ZMYND11: variants seen among roughly 807,000 people sequenced by gnomAD.
ZMYND11 encodes zinc finger MYND domain-containing protein 11.
A neutral mutation model predicts 84.9 loss-of-function variants in ZMYND11; 9 were observed. The ratio of observed to expected loss-of-function variants is 0.11; its 90% confidence interval spans 0.06 to 0.18. ZMYND11 has a LOEUF of 0.18. ZMYND11 is among the 10% of genes least tolerant of loss of function. ZMYND11 has a pLI of 1.00. For missense variants in ZMYND11, 409 were observed against 761.0 expected (o/e 0.54, Z 5.44); for synonymous variants, 250 against 244.1 (o/e 1.02, Z -0.23).
intron 1 of ZMYND11, among the ~76,000 whole-genome samples, chr10:169,218 G>C (rs1036474283): frequency 4.6e-5 from 7 of 152,178 alleles, no homozygotes; most frequent in Middle Eastern, 3.4e-3. Flanking sequence ...TCCCACATAA[G>C]GGGGGAAACT....
At chr10:135,051 AGGGGCCGGT>A (rs1225974930), upstream of ZMYND11, 1 of 148,332 alleles carries the variant, frequency 6.7e-6, no homozygotes, top group South Asian at 2.1e-4. This position sits in a 1 kb window ranked among gnomAD's most constrained non-coding sequence, Gnocchi z 5.6. Flanking sequence ...GGGCGGGCCG[AGGGGCCGGT>A]GGGGCCGAGC....
chr10:244,805 C>T (rs1277179993), intron 10 of ZMYND11, among the ~76,000 whole-genome samples: 1 of 152,144 alleles, frequency 6.6e-6, no homozygotes, highest in Non-Finnish European at 1.5e-5. Flanking sequence ...AATCAGATTT[C>T]AGTTTAAAAA....
At chr10:138,789 ATAGT>A (rs1554753128) in intron 1 of ZMYND11, among the ~76,000 whole-genome samples, 1 of 151,254 alleles carries the variant, frequency 6.6e-6, no homozygotes, top group African/African-American at 2.4e-5. Context: ...TAGCCTTATG[ATAGT>A]TAAAACTTTT....
At chr10:185,808 C>A (rs1476661950) in intron 2 of ZMYND11, among the ~76,000 whole-genome samples, 2 of 76,748 alleles carry the variant, frequency 2.6e-5, no homozygotes, top group African/African-American at 8.9e-5. Context: ...AGTGAAACTC[C>A]GTCTCAAAAA....
chr10:219,624 C>T lies in ZMYND11; in HGVS notation c.277-1571C>T, dbSNP rs368108616. Among the ~76,000 whole-genome samples, 48 of 152,212 alleles carry T rather than the reference C, an allele frequency of 3.2e-4. No individual in the cohort carries two copies. In the South Asian group the frequency reaches 9.7e-3, roughly 31 times the overall value. ...TCTCAAATGGATACACCAAGGATGA[C>T]TGTTTTAATACAGCCAAGCGCCACA... On this transcript the variant is annotated intron_variant, in intron 3 of 14. Coordinates refer to ENST00000381604, the MANE Select transcript of ZMYND11 (RefSeq NM_001370100.5).
intron 1 of ZMYND11, among the ~76,000 whole-genome samples, chr10:166,718 C>T (rs1554763971): frequency 1.3e-5 from 2 of 152,082 alleles, no homozygotes; most frequent in Non-Finnish European, 2.9e-5. Flanking sequence ...GAATTTATTA[C>T]ATGATCTGGC....
At chr10:207,980 A>G (rs1383146881) in intron 2 of ZMYND11, among the ~76,000 whole-genome samples, 1 of 152,204 alleles carries the variant, frequency 6.6e-6, no homozygotes, top group African/African-American at 2.4e-5. Context: ...CGGAGCCCTC[A>G]GAAATAATGC....
At chr10:234,575 G>A (rs571909789) in intron 4 of ZMYND11, among the ~76,000 whole-genome samples, 1 of 150,596 alleles carries the variant, frequency 6.6e-6, no homozygotes, top group South Asian at 2.1e-4. Context: ...TTGCTATTAT[G>A]TCTGAGTTTA....
chr10:185,405 G>C (rs973276987), intron 2 of ZMYND11, among the ~76,000 whole-genome samples: 1 of 148,916 alleles, frequency 6.7e-6, no homozygotes, highest in Non-Finnish European at 1.5e-5. Flanking sequence ...TATTCTTCCA[G>C]TAACTCTATC....
chr10:245,962 C>G (rs189659133), intron 10 of ZMYND11, among the ~76,000 whole-genome samples: 1 of 152,200 alleles, frequency 6.6e-6, no homozygotes, highest in Admixed American at 6.5e-5. Flanking sequence ...CTCAAGATCA[C>G]GTAGACCCCA....
chr10:226,375 G>T (rs1476237542), intron 4 of ZMYND11, among the ~76,000 whole-genome samples: 2 of 152,154 alleles, frequency 1.3e-5, no homozygotes, highest in African/African-American at 2.4e-5. Context: ...GCAAAACAAA[G>T]TGTAGATTTT....
chr10:156,593 A>C (rs1841780402), intron 1 of ZMYND11, among the ~76,000 whole-genome samples: 1 of 152,212 alleles, frequency 6.6e-6, no homozygotes, highest in Admixed American at 6.5e-5. Context: ...TCTAATCACA[A>C]AGATGTTATA....
chr10:248,789 G>A (rs1317868814), intron 13 of ZMYND11, 114 bp from the exon 14 acceptor site: 1 of 1,428,316 alleles, frequency 7.0e-7, no homozygotes, highest in South Asian at 1.4e-5. Flanking sequence ...TTTTACACAT[G>A]TAATGAAGGG....
At chr10:146,062 T>G (rs895029148) in intron 1 of ZMYND11, among the ~76,000 whole-genome samples, 8 of 152,184 alleles carry the variant, frequency 5.3e-5, no homozygotes, top group African/African-American at 1.9e-4. Context: ...TTGTATAAGG[T>G]GGGAGCTAGG....
At chr10:185,897 A>G in intron 2 of ZMYND11, among the ~76,000 whole-genome samples, 1 of 152,172 alleles carries the variant, frequency 6.6e-6, no homozygotes, top group East Asian at 1.9e-4. Flanking sequence ...AGTGGAGCCA[A>G]AAGCAAATAA....
At chr10:188,900 T>G (rs1234721869) in intron 2 of ZMYND11, among the ~76,000 whole-genome samples, 1 of 152,198 alleles carries the variant, frequency 6.6e-6, no homozygotes, top group Non-Finnish European at 1.5e-5. Flanking sequence ...GTTGGCTTGT[T>G]AATTATGGAC....
chr10:249,458 T>C (rs1952882568), intron 14 of ZMYND11: 1 of 984,998 alleles, frequency 1.0e-6, no homozygotes, highest in African/African-American at 1.7e-5. Context: ...AAATTATAAA[T>C]GTAATTATCA....
chr10:247,742 A>G (rs1183411014), intron 12 of ZMYND11, among the ~76,000 whole-genome samples: 1 of 152,246 alleles, frequency 6.6e-6, no homozygotes, highest in Non-Finnish European at 1.5e-5. Flanking sequence ...GCACATTGCT[A>G]TTAATACATT....
chr10:208,392 A>T (rs1039439523), intron 2 of ZMYND11, among the ~76,000 whole-genome samples: 2 of 152,192 alleles, frequency 1.3e-5, no homozygotes, highest in Non-Finnish European at 2.9e-5. Flanking sequence ...CAACCTACTC[A>T]TCTGACAAAG....
Sources: allele counts gnomAD v4.1 joint callset (sites outside exome capture counted in the v4.1 genomes callset), GRCh38; gene constraint gnomAD v4.1.1; non-coding constraint Gnocchi (gnomAD v3.1); transcripts MANE v1.5; gene names NCBI Gene and HGNC (gene_info 2026-07-23, HGNC 2026-07-21).